Variants in PCSK1 observed in about 807,000 individuals in gnomAD.
PCSK1 encodes the protein neuroendocrine convertase 1.
PCSK1 carries 56 observed loss-of-function variants against 90.6 expected under a neutral mutation model. The observed-to-expected ratio is 0.62, with a 90% CI of 0.50 to 0.77. The LOEUF is 0.77. Among genes scored for constraint, PCSK1 ranks in the 30% least tolerant of loss-of-function variants. The probability of loss-of-function intolerance (pLI) is 0.00; values close to 1 mark genes in which losing one functional copy is unlikely to be tolerated. For missense variants in PCSK1, 801 were observed against 932.6 expected (o/e 0.86, Z 1.84); for synonymous variants, 348 against 342.4 (o/e 1.02, Z -0.18).
At chr5:96,430,303 C>T (rs1011306505) in intron 1 of PCSK1, among the ~76,000 whole-genome samples, 7 of 152,156 alleles carry the variant, frequency 4.6e-5, no homozygotes, top group Non-Finnish European at 8.8e-5. Context: ...CTCTAGGTAA[C>T]CCTGCATTTT....
At position 96,395,552 on chromosome 5, in the gene PCSK1, A is replaced by G. The variant is rs1760107873; in HGVS notation, c.1723-527T>C. ...CAAACCAACACAGGAACAGAAAACC[A>G]AACACTGAATGTTCTCACTCATAAG... On this transcript the variant is annotated intron_variant, in intron 12 of 13. Transcript: ENST00000311106. 2.0e-5 allele frequency among the ~76,000 whole-genome samples: 3 copies of G among 152,212 alleles called. No homozygotes were observed. The South Asian group carries it at 6.2e-4, about 32-fold the overall frequency.
rs187709836 is a variant in PCSK1 at position 96,416,661 on chromosome 5, C to T, written c.621-540G>A. ...CCTCCTCCTCTCCTCTAAATATATGCCACACTAAAATGTCTGAAGATTATC... is the reference window on the plus strand; with the variant it reads ...CCTCCTCCTCTCCTCTAAATATATGTCACACTAAAATGTCTGAAGATTATC... On this transcript the variant is annotated intron_variant, in intron 5 of 13. Coordinates refer to ENST00000311106, the MANE Select transcript of PCSK1 (RefSeq NM_000439.5). Among the ~76,000 whole-genome samples, 239 of 152,246 alleles carry T rather than the reference C, an allele frequency of 1.6e-3. 1 individual carries two copies. The highest frequency in any genetic ancestry group is 5.7e-3 in the African/African-American group (235 of 41,538).
chr5:96,403,050 G>T (rs757175209), intron 9 of PCSK1, among the ~76,000 whole-genome samples: 8 of 152,204 alleles, frequency 5.3e-5, no homozygotes, highest in Admixed American at 1.3e-4. Flanking sequence ...AGGTGCATGT[G>T]TGGAGGCAGG....
chr5:96,417,231 G>A (rs1450388991), intron 5 of PCSK1, among the ~76,000 whole-genome samples: 1 of 152,150 alleles, frequency 6.6e-6, no homozygotes, highest in Admixed American at 6.6e-5. Context: ...TTTTCCTGAA[G>A]TAGCAAAGAT....
At chr5:96,411,425 TC>T (rs1340854216) in intron 7 of PCSK1, among the ~76,000 whole-genome samples, 4 of 152,248 alleles carry the variant, frequency 2.6e-5, no homozygotes, top group Non-Finnish European at 4.4e-5. Context: ...AAGGGACTCT[TC>T]AATTGAATGG....
chr5:96,403,307 C>T (rs1050769558), intron 9 of PCSK1, among the ~76,000 whole-genome samples: 3 of 152,068 alleles, frequency 2.0e-5, no homozygotes, highest in African/African-American at 7.2e-5. Flanking sequence ...GGTACATGTG[C>T]ACAACGTGCA....
chr5:96,420,689 ATC>A (rs1761096692), intron 5 of PCSK1, among the ~76,000 whole-genome samples: 2 of 145,644 alleles, frequency 1.4e-5, no homozygotes, highest in Admixed American at 1.4e-4. Flanking sequence ...ATAACTTTAG[ATC>A]AGTATTACTG....
chr5:96,400,737 A>C (rs140391471), intron 9 of PCSK1, among the ~76,000 whole-genome samples: 326 of 152,356 alleles, frequency 2.1e-3, no homozygotes, highest in African/African-American at 7.6e-3. Flanking sequence ...TCACTCTTGC[A>C]AGGCACTATG....
At chr5:96,400,930 AC>A in intron 9 of PCSK1, among the ~76,000 whole-genome samples, 1 of 151,452 alleles carries the variant, frequency 6.6e-6, no homozygotes, top group East Asian at 1.9e-4. Flanking sequence ...TACTAAAAAT[AC>A]AAAAAATTAG....
chr5:96,416,290 G>T (rs1442272138), intron 5 of PCSK1, among the ~76,000 whole-genome samples, 169 bp from the exon 6 acceptor site: 1 of 152,118 alleles, frequency 6.6e-6, no homozygotes, highest in Admixed American at 6.6e-5. Flanking sequence ...CAGATGAAGG[G>T]CACAAGTATT....
chr5:96,423,533 C>T, intron 3 of PCSK1, 74 bp from the exon 4 acceptor site: 1 of 1,311,314 alleles, frequency 7.6e-7, no homozygotes, highest in South Asian at 1.2e-5. Flanking sequence ...TCAGTTCCAA[C>T]CTGGAGACCC....
At chr5:96,426,161 T>A (rs1223395346) in intron 2 of PCSK1, among the ~76,000 whole-genome samples, 1 of 152,164 alleles carries the variant, frequency 6.6e-6, no homozygotes, top group Non-Finnish European at 1.5e-5. Context: ...AAGCAGTCAG[T>A]GAAATGATAA....
At chr5:96,411,510 T>C (rs912539182) in intron 7 of PCSK1, among the ~76,000 whole-genome samples, 5 of 152,252 alleles carry the variant, frequency 3.3e-5, no homozygotes, top group African/African-American at 9.6e-5. Flanking sequence ...TTTCATCTTA[T>C]GGAGCACAAG....
intron 2 of PCSK1, among the ~76,000 whole-genome samples, chr5:96,428,036 G>A (rs563584003): frequency 7.2e-5 from 11 of 151,774 alleles, no homozygotes; most frequent in Admixed American, 1.3e-4. Context: ...GTCACTGTCC[G>A]TGGTCCTAAT....
At chr5:96,410,703 T>C (rs960587269) in intron 8 of PCSK1, 71 bp downstream of exon 8, 1 of 1,220,884 alleles carries the variant, frequency 8.2e-7, no homozygotes, top group Non-Finnish European at 1.2e-6. Context: ...AAAGGTCAGT[T>C]AGGGGAATCA....
In PCSK1 at chr5:96,393,378, C is replaced by G; in HGVS notation, c.1885G>C (p.Glu629Gln). Residue 629 changes from glutamate to glutamine, a missense_variant and splice_region_variant, in exon 14 of 14, where the codon GAG becomes CAG. Glu to Gln is a conservative substitution (Grantham distance 29). Coordinates refer to ENST00000311106, the MANE Select transcript of PCSK1 (RefSeq NM_000439.5). ...TTAGGGTTCTCTTGTGTGGGCTGCT[C>G]CTAAAACATAGAATGCCATCCACAA... ...GVEKMVDPGE[E>Q]QPTQENPKEN... 1.9e-6 allele frequency: 3 copies of G among 1,613,582 alleles called. No homozygotes were observed. The highest frequency in any genetic ancestry group is 2.5e-6 in the Non-Finnish European group (3 of 1,179,886).
intron 9 of PCSK1, among the ~76,000 whole-genome samples, chr5:96,403,388 A>G (rs771308778): frequency 9.9e-5 from 15 of 152,092 alleles, no homozygotes; most frequent in Non-Finnish European, 1.9e-4. Context: ...TACATTAGGT[A>G]TATCTCCTAA....
chr5:96,418,438 G>T (rs543613090), intron 5 of PCSK1, among the ~76,000 whole-genome samples: 32 of 152,100 alleles, frequency 2.1e-4, no homozygotes, highest in Non-Finnish European at 4.4e-4. Flanking sequence ...TCTGTAATTG[G>T]TGTTGAAATA....
At chr5:96,425,073 A>G (rs180809812) in intron 3 of PCSK1, among the ~76,000 whole-genome samples, 1 of 149,800 alleles carries the variant, frequency 6.7e-6, no homozygotes, top group East Asian at 2.0e-4. Flanking sequence ...AGAAAGAAAG[A>G]AAACGTAGGG....
Sources: allele counts gnomAD v4.1 joint callset (sites outside exome capture counted in the v4.1 genomes callset), GRCh38; gene constraint gnomAD v4.1.1; transcripts MANE v1.5; gene names NCBI Gene and HGNC (gene_info 2026-07-23, HGNC 2026-07-21).